The following KNTC1 variants were observed in gnomAD, a reference collection of about 807,000 sequenced individuals.
The protein encoded by KNTC1 is kinetochore associated 1.
In KNTC1, 253 loss-of-function variants were observed where a neutral mutation model predicts 314.4. That is an observed-to-expected ratio of 0.80 (90% confidence interval 0.73 to 0.89). KNTC1 has a LOEUF of 0.89. Among genes scored for constraint, KNTC1 ranks in the 40% least tolerant of loss-of-function variants. The pLI is 0.00. For synonymous variants in KNTC1, 901 were observed against 901.4 expected (o/e 1.00, Z 0.01); for missense variants, 2,475 against 2,572.9 (o/e 0.96, Z 0.82).
rs562009282 is a variant in KNTC1, at chr12:122,559,028, T to C, written c.1488+1339T>C. ...TGGAATCATATATGTCTCCTTCATG[T>C]CTGGCTTCTTTCACTTAGCATAATA... is the stretch of plus-strand genomic sequence containing the variant. On this transcript the variant is annotated intron_variant, in intron 18 of 63. Transcript: ENST00000333479. Among the ~76,000 whole-genome samples the C allele has an allele frequency of 8.5e-5, 13 of 152,294 alleles. No individual in the cohort carries two copies. In the South Asian group the frequency reaches 2.7e-3, roughly 32 times the overall value.
At chr12:122,568,564 C>T (rs536354568) in intron 21 of KNTC1, among the ~76,000 whole-genome samples, 192 bp downstream of exon 21, 30 of 152,298 alleles carry the variant, frequency 2.0e-4, no homozygotes, top group Non-Finnish European at 3.1e-4. Flanking sequence ...GGGCTGGGCG[C>T]GATGGCTCAC....
intron 51 of KNTC1, among the ~76,000 whole-genome samples, chr12:122,605,858 T>G (rs1872531227): frequency 6.6e-6 from 1 of 152,118 alleles, no homozygotes; most frequent in African/African-American, 2.4e-5. Flanking sequence ...TTGTTTGTTT[T>G]TTAAAGACAG....
intron 34 of KNTC1, among the ~76,000 whole-genome samples, chr12:122,583,778 A>G (rs758458379): frequency 6.6e-6 from 1 of 152,100 alleles, no homozygotes; most frequent in African/African-American, 2.4e-5. Context: ...GTGAGCCCAG[A>G]TCGTGCCATT....
chr12:122,559,564 C>CT (rs988392762), intron 18 of KNTC1, among the ~76,000 whole-genome samples: 1 of 132,768 alleles, frequency 7.5e-6, no homozygotes, highest in Non-Finnish European at 1.7e-5. Context: ...CCATTTTCAC[C>CT]TTTTTAAAAA....
chr12:122,575,979 T>A, intron 29 of KNTC1, 80 bp downstream of exon 29: 1 of 1,470,040 alleles, frequency 6.8e-7, no homozygotes, highest in Non-Finnish European at 9.0e-7. Flanking sequence ...ATTTATATTC[T>A]AGGAGGCTAA....
At chr12:122,575,677 T>TA (rs1441880413) in intron 28 of KNTC1, 31 bp downstream of exon 28, 1 of 1,523,260 alleles carries the variant, frequency 6.6e-7, no homozygotes, top group Non-Finnish European at 9.0e-7. Context: ...ACAATGTTGT[T>TA]ATGCTCTGGA....
Position 122,610,717 on chromosome 12 carries a change from C to CT in KNTC1, c.5544-102dup. 13 of 711,470 alleles carry CT rather than the reference C, an allele frequency of 1.8e-5. No homozygotes were observed. In the South Asian group the frequency reaches 2.0e-4, roughly 11 times the overall value. 44.1% of individuals were successfully genotyped at this position (711,470 alleles called of 1,614,324 possible). ...TTGACCCATTATCCTTCTGATCTGC[C>CT]TTTGAGTTGTCTAATGACCGTTCCA... is the stretch of plus-strand genomic sequence containing the variant. On this transcript the variant is annotated intron_variant, in intron 52 of 63. Transcript: ENST00000333479.
chr12:122,567,325 C>T (rs1269973191), intron 20 of KNTC1, among the ~76,000 whole-genome samples: 1 of 152,080 alleles, frequency 6.6e-6, no homozygotes, highest in Admixed American at 6.5e-5. Context: ...CCACCTCGGC[C>T]TCCCAAAGTG....
chr12:122,576,266 T>C (rs1454909784), intron 29 of KNTC1, among the ~76,000 whole-genome samples: 2 of 152,140 alleles, frequency 1.3e-5, no homozygotes, highest in Admixed American at 6.5e-5. Context: ...GGTTTCTCCA[T>C]GTTGGTCAGG....
At chr12:122,552,122 G>T (rs950585478) in intron 16 of KNTC1, among the ~76,000 whole-genome samples, 2 of 152,062 alleles carry the variant, frequency 1.3e-5, no homozygotes, top group Non-Finnish European at 2.9e-5. Flanking sequence ...TGGCCAGGCT[G>T]GCCTTGAACT....
rs1565949340 is a variant in KNTC1, at chr12:122,554,100, T to TAC, written c.1272+2404_1272+2405insAC. Among the ~76,000 whole-genome samples, 49 of 144,520 alleles carry TAC rather than the reference T, an allele frequency of 3.4e-4. 1 individual carries two copies. The highest frequency in any genetic ancestry group is 1.0e-3 in the African/African-American group (41 of 39,662). The allele number at this position is 144,520 out of a possible 152,430, so 94.8% of individuals were successfully genotyped here. A position where few individuals can be genotyped will look rare whatever the true frequency, so the allele number is the denominator to read the frequency against. On this transcript the variant is annotated intron_variant, in intron 16 of 63. Coordinates refer to ENST00000333479, the MANE Select transcript of KNTC1 (RefSeq NM_014708.6). ...AAATATATATATATATATATATATA[T>TAC]TTGTATTTTTTGTAGAGGCGGGGTT...
rs778374436 is a variant in KNTC1, at chr12:122,538,453, A to G, written c.365A>G (p.Asn122Ser). 1.4e-6 allele frequency: 2 copies of G among 1,469,952 alleles called. No individual in the cohort carries two copies. Among genetic ancestry groups the G allele is most frequent in the Admixed American group, 3.9e-5 (2 of 51,088 alleles). 91.1% of individuals were successfully genotyped at this position (1,469,952 alleles called of 1,614,324 possible). A position where few individuals can be genotyped will look rare whatever the true frequency, so the allele number is the denominator to read the frequency against. The part of the protein sequence containing the change: ...HVTSKQTLLT[N>S]AFVQKANDEN... ...ACATCAAAACAAACACTACTCACTA[A>G]TGTAAGATCTTGTTGTATTTTAATT... is the stretch of plus-strand genomic sequence containing the variant. The change falls in exon 4 of 64, where the codon AAT (asparagine) becomes AGT (serine). Residue 122 changes from asparagine to serine, a missense_variant and splice_region_variant. Physicochemically the swap from Asn to Ser is conservative, Grantham distance 46 (BLOSUM62 1). Coordinates refer to ENST00000333479, the MANE Select transcript of KNTC1 (RefSeq NM_014708.6).
intron 62 of KNTC1, 24 bp downstream of exon 62, chr12:122,622,631 ACTT>A: frequency 1.4e-6 from 2 of 1,461,256 alleles, no homozygotes; most frequent in Non-Finnish European, 1.8e-6. Flanking sequence ...AAAAAAAAAA[ACTT>A]ACTGTGGAAT....
intron 1 of KNTC1, among the ~76,000 whole-genome samples, chr12:122,527,992 C>T (rs1380233842): frequency 1.3e-5 from 2 of 152,162 alleles, no homozygotes; most frequent in Non-Finnish European, 2.9e-5. Context: ...GGTAGCATAA[C>T]AAGATACGTA....
chr12:122,550,866 G>C (rs549636820), intron 13 of KNTC1, among the ~76,000 whole-genome samples: 16 of 152,116 alleles, frequency 1.1e-4, no homozygotes, highest in Non-Finnish European at 1.8e-4. Context: ...TTTGTAGACT[G>C]TTTCTCTATT....
chr12:122,537,577 T>C (rs940609879), intron 3 of KNTC1, among the ~76,000 whole-genome samples: 3 of 151,950 alleles, frequency 2.0e-5, no homozygotes, highest in African/African-American at 2.4e-5. Flanking sequence ...TGCCACCATG[T>C]CCGGCTAATT....
At chr12:122,575,944 G>A in intron 29 of KNTC1, 45 bp downstream of exon 29, 2 of 1,545,848 alleles carry the variant, frequency 1.3e-6, no homozygotes, top group Non-Finnish European at 1.7e-6. Flanking sequence ...TCATTTCTGG[G>A]GCAATATGGA....
intron 20 of KNTC1, 125 bp from the exon 21 acceptor site, chr12:122,568,136 T>A (rs1290377898): frequency 3.3e-6 from 2 of 604,800 alleles, no homozygotes; most frequent in Non-Finnish European, 5.8e-6. Flanking sequence ...GGGTTTTTTT[T>A]AGTTTTTTGT....
intron 42 of KNTC1, 134 bp downstream of exon 42, chr12:122,591,587 C>CA: frequency 1.7e-6 from 1 of 583,174 alleles, no homozygotes; most frequent in African/African-American, 1.9e-5. Flanking sequence ...ATTAACTACA[C>CA]ACATAGGTGC....
Sources: allele counts gnomAD v4.1 joint callset (sites outside exome capture counted in the v4.1 genomes callset), GRCh38; gene constraint gnomAD v4.1.1; transcripts MANE v1.5; gene names NCBI Gene and HGNC (gene_info 2026-07-23, HGNC 2026-07-21).